CELF2: variants seen among roughly 807,000 people sequenced by gnomAD.
The protein encoded by CELF2 is CUG triplet repeat RNA-binding protein 2.
Under a neutral mutation model 62.6 loss-of-function variants are expected in CELF2, and 8 were observed. The observed-to-expected ratio is 0.13, with a 90% CI of 0.07 to 0.23. The LOEUF (loss-of-function observed/expected upper bound fraction) is 0.23, where lower values mean the gene tolerates loss of function less well. Among genes scored for constraint, CELF2 ranks in the 10% least tolerant of loss-of-function variants. The pLI is 1.00. For missense variants in CELF2, 333 were observed against 671.0 expected (o/e 0.50, Z 5.56); for synonymous variants, 258 against 250.0 (o/e 1.03, Z -0.30).
At chr10:10,762,463 A>G in the CELF2 span, among the ~76,000 whole-genome samples, 1 of 152,226 alleles carries the variant, frequency 6.6e-6, no homozygotes, top group Non-Finnish European at 1.5e-5. Flanking sequence ...ATTTCGTGCA[A>G]GAGGGAAAAG....
intron 1 of CELF2, among the ~76,000 whole-genome samples, chr10:11,130,095 A>G (rs1008111678): frequency 6.6e-6 from 1 of 152,194 alleles, no homozygotes; most frequent in Non-Finnish European, 1.5e-5. Context: ...TTGGTTTCAA[A>G]TAACATCTTT....
chr10:10,585,553 C>A, the CELF2 span, among the ~76,000 whole-genome samples: 2 of 152,148 alleles, frequency 1.3e-5, no homozygotes, highest in Admixed American at 6.6e-5. Flanking sequence ...AGTATTTGTG[C>A]AACATTTAAC....
chr10:11,005,579 G>C lies in CELF2; in HGVS notation c.53+139G>C, dbSNP rs2055104510. 1.5e-6 allele frequency: 2 copies of C among 1,348,864 alleles called. No individual in the cohort carries two copies. Among genetic ancestry groups the C allele is most frequent in the Non-Finnish European group, 2.1e-6 (2 of 962,608 alleles). The allele number at this position is 1,348,864 out of a possible 1,614,324, so 83.6% of individuals were successfully genotyped here. A position where few individuals can be genotyped will look rare whatever the true frequency, so the allele number is the denominator to read the frequency against. ...GAAAAAGAATCTAAAGAGGAAGAGGGAGATGAAATCGAGACCCAGAGATTG... is the reference window on the plus strand; with the variant it reads ...GAAAAAGAATCTAAAGAGGAAGAGGCAGATGAAATCGAGACCCAGAGATTG... On this transcript the variant is annotated intron_variant, in intron 1 of 12. Coordinates refer to the CELF2 transcript ENST00000416382. The surrounding 1 kb of genome is among the most constrained non-coding windows in gnomAD (Gnocchi z 4.3).
chr10:10,968,201 A>G lies in CELF2; in HGVS notation c.89+48202A>G, dbSNP rs150140330. On this transcript the variant is annotated intron_variant, in intron 2 of 13. Coordinates refer to the CELF2 transcript ENST00000636488. ...GAGCCCCAACTCTGCTAAATCATCAAGAATTGACAGCGCATCTTTTTTTTT... is the reference window on the plus strand; with the variant it reads ...GAGCCCCAACTCTGCTAAATCATCAGGAATTGACAGCGCATCTTTTTTTTT... Among the ~76,000 whole-genome samples, 560 of 152,292 alleles carry G rather than the reference A, an allele frequency of 3.7e-3. 4 individuals carry two copies. The highest frequency in any genetic ancestry group is 0.013 in the African/African-American group (542 of 41,546).
At chr10:10,601,210 A>G in the CELF2 span, among the ~76,000 whole-genome samples, 36,713 of 152,104 alleles carry the variant, frequency 0.24, 4,938 homozygotes, top group South Asian at 0.51. Flanking sequence ...TCCTGAGAAT[A>G]ATTATCTCAG....
intron 1 of CELF2, chr10:10,846,288 G>A (rs1396360859): frequency 5.5e-6 from 1 of 180,716 alleles, no homozygotes; most frequent in Non-Finnish European, 1.1e-5. Context: ...CCAGGACTTG[G>A]TTTTTCCTAA....
At chr10:11,226,776 G>A (rs1476997194) in intron 3 of CELF2, among the ~76,000 whole-genome samples, 1 of 152,152 alleles carries the variant, frequency 6.6e-6, no homozygotes, top group Non-Finnish European at 1.5e-5. Flanking sequence ...AGAGACTTTT[G>A]GGTGTGAAGT....
chr10:10,767,840 C>CA, the CELF2 span, among the ~76,000 whole-genome samples: 2 of 150,670 alleles, frequency 1.3e-5, no homozygotes, highest in African/African-American at 4.9e-5. Flanking sequence ...ACTAAAAATA[C>CA]AAAAAATTAG....
At chr10:10,555,538 G>A in the CELF2 span, among the ~76,000 whole-genome samples, 9 of 152,220 alleles carry the variant, frequency 5.9e-5, no homozygotes, top group East Asian at 1.7e-3. Flanking sequence ...TAATTCTCAC[G>A]TAAAACAAAA....
At chr10:10,675,102 C>G in the CELF2 span, among the ~76,000 whole-genome samples, 2 of 152,124 alleles carry the variant, frequency 1.3e-5, no homozygotes, top group Admixed American at 1.3e-4. Context: ...TTATGTGGAT[C>G]TGAGTTCTGA....
Position 11,246,839 on chromosome 10 carries a change from G to A in CELF2, c.355-2314G>A, listed in dbSNP as rs114633065. Reference sequence around the variant, plus strand: ...GGAACATTCTCTGTGGCCCTGGCCCGTCTCTCGAGCCTGAGCCCCATGATT... The same window carrying A: ...GGAACATTCTCTGTGGCCCTGGCCCATCTCTCGAGCCTGAGCCCCATGATT... On this transcript the variant is annotated intron_variant, in intron 3 of 12. Transcript: ENST00000633077. The surrounding 1 kb of genome is among the most constrained non-coding windows in gnomAD (Gnocchi z 4.6). 0.036 allele frequency among the ~76,000 whole-genome samples: 5,449 copies of A among 152,258 alleles called. 324 individuals are homozygous for A. The highest frequency in any genetic ancestry group is 0.12 in the African/African-American group (5,170 of 41,530).
At chr10:11,054,723 G>T (rs1477815143) in intron 1 of CELF2, among the ~76,000 whole-genome samples, 1 of 152,072 alleles carries the variant, frequency 6.6e-6, no homozygotes, top group Non-Finnish European at 1.5e-5. Flanking sequence ...TTCTTTTCTA[G>T]TGGTTTTTTT....
chr10:10,962,317 T>C lies in CELF2; in HGVS notation c.89+42318T>C, dbSNP rs1027103252. On this transcript the variant is annotated intron_variant, in intron 2 of 13. Transcript: ENST00000636488. Reference sequence around the variant, plus strand: ...AGCACCATCTCCCTGCCCTGTCTCCTCTGCTTTCTGTGGCCACTCACAAAG... The same window carrying C: ...AGCACCATCTCCCTGCCCTGTCTCCCCTGCTTTCTGTGGCCACTCACAAAG... Among the ~76,000 whole-genome samples the C allele has an allele frequency of 4.6e-5, 7 of 152,350 alleles. No homozygotes were observed. In the East Asian group the frequency reaches 9.6e-4, roughly 21 times the overall value.
the CELF2 span, among the ~76,000 whole-genome samples, chr10:10,754,894 G>A: frequency 6.6e-6 from 1 of 152,168 alleles, no homozygotes; most frequent in African/African-American, 2.4e-5. Flanking sequence ...AGCCATCGGC[G>A]TCAGTCAACG....
chr10:10,844,364 A>T (rs910842249), intron 1 of CELF2, among the ~76,000 whole-genome samples: 4 of 152,096 alleles, frequency 2.6e-5, no homozygotes, highest in African/African-American at 9.7e-5. Context: ...GGAGAAAAAT[A>T]AGGAGTATTT....
At chr10:11,262,170 G>A (rs934967237) in intron 5 of CELF2, among the ~76,000 whole-genome samples, 11 of 152,156 alleles carry the variant, frequency 7.2e-5, no homozygotes, top group African/African-American at 2.4e-4. Flanking sequence ...CAAATGAATT[G>A]GCAATATTTT....
At chr10:11,162,755 A>C (rs2066011119) in intron 1 of CELF2, among the ~76,000 whole-genome samples, 1 of 152,184 alleles carries the variant, frequency 6.6e-6, no homozygotes, top group Non-Finnish European at 1.5e-5. Context: ...TTTGATGGTC[A>C]CTCATTTCAG....
At chr10:10,991,106 C>A (rs2053388454) in intron 2 of CELF2, among the ~76,000 whole-genome samples, 1 of 152,030 alleles carries the variant, frequency 6.6e-6, no homozygotes, top group South Asian at 2.1e-4. Flanking sequence ...CTTTTGAATG[C>A]ATAAAACAGC....
At chr10:11,187,629 T>C (rs560316563) in intron 2 of CELF2, among the ~76,000 whole-genome samples, 10 of 152,146 alleles carry the variant, frequency 6.6e-5, no homozygotes, top group African/African-American at 1.9e-4. Flanking sequence ...CAAATTACTT[T>C]TTCATTTTAC....
Sources: gnomAD v4.1 joint callset for allele counts (sites outside exome capture counted in the v4.1 genomes callset) on GRCh38, gnomAD v4.1.1 for gene constraint, Gnocchi (gnomAD v3.1) non-coding constraint, MANE v1.5 for transcripts, NCBI Gene and HGNC (gene_info 2026-07-23, HGNC 2026-07-21) for gene names.